The following NEUROD1 variants were observed in gnomAD, a reference collection of about 807,000 sequenced individuals.
The protein encoded by NEUROD1 is neuronal differentiation 1, also known as neurogenic differentiation factor 1.
In NEUROD1, 9 loss-of-function variants were observed where a neutral mutation model predicts 21.8. The observed-to-expected ratio is 0.41, with a 90% confidence interval of 0.25 to 0.72. NEUROD1 has a LOEUF of 0.72. NEUROD1 is among the 30% of genes least tolerant of loss of function. NEUROD1 has a pLI of 0.31. For missense variants in NEUROD1, 434 were observed against 468.8 expected (o/e 0.93, Z 0.69); for synonymous variants, 199 against 186.2 (o/e 1.07, Z -0.56).
chr2:181,677,872 ATG>A lies in NEUROD1; in HGVS notation c.987_988del (p.Ile330ArgfsTer8). 1 of 1,614,148 alleles carries A rather than the reference ATG, an allele frequency of 6.2e-7. No homozygotes were observed. The highest frequency in any genetic ancestry group is 1.3e-5 in the African/African-American group (1 of 75,038). On this transcript the variant is annotated frameshift_variant, in exon 2 of 2. Coordinates refer to ENST00000295108, the MANE Select transcript of NEUROD1 (RefSeq NM_002500.5). LOFTEE classifies it high-confidence loss of function. ...GCTATCGAAGGACATAATATTGTCT[ATG>A]GGGATCTCGCAGCGAGGGGCAGCGG... is the stretch of plus-strand genomic sequence containing the variant.
chr2:181,675,079 G>T (rs1172072223), downstream of NEUROD1, among the ~76,000 whole-genome samples: 1 of 152,102 alleles, frequency 6.6e-6, no homozygotes, highest in Non-Finnish European at 1.5e-5. Flanking sequence ...TATCATATCA[G>T]TATTATGTCT....
Position 181,678,656 on chromosome 2 carries a change from C to G in NEUROD1, c.205G>C (p.Glu69Gln). ...EEDEDEDLEE[E>Q]EEEEEEDDDQ... ...TCATCCTCCTCTTCCTCTTCTTCCT[C>G]CTCTTCCAGGTCCTCATCTTCGTCC... The change falls in exon 2 of 2, where the codon GAG becomes CAG. Residue 69 changes from glutamate to glutamine, a missense_variant. Coordinates refer to ENST00000295108, the MANE Select transcript of NEUROD1 (RefSeq NM_002500.5). The surrounding 1 kb of genome is among the most constrained non-coding windows in gnomAD (Gnocchi z 5.5). 6.2e-7 allele frequency: 1 copy of G among 1,613,282 alleles called. No homozygotes were observed. Among genetic ancestry groups the G allele is most frequent in the South Asian group, 1.1e-5 (1 of 90,928 alleles).
chr2:181,676,453 T>C (rs1688573066), downstream of NEUROD1: 1 of 152,644 alleles, frequency 6.6e-6, no homozygotes, highest in Non-Finnish European at 1.5e-5. Context: ...TAAGAAGAAA[T>C]GCAACAATTG....
At chr2:181,673,184 T>A (rs2105588978), downstream of NEUROD1, 1 of 152,366 alleles carries the variant, frequency 6.6e-6, no homozygotes, top group South Asian at 2.1e-4. Flanking sequence ...CCCCAGAGAC[T>A]GTGGCCCTGT....
At chr2:181,675,295 C>A (rs565032011), downstream of NEUROD1, among the ~76,000 whole-genome samples, 1 of 152,234 alleles carries the variant, frequency 6.6e-6, no homozygotes, top group Admixed American at 6.5e-5. Context: ...ATTTTTTTAA[C>A]GTCGAAGTAT....
chr2:181,668,515 C>A (rs958717874), downstream of NEUROD1, among the ~76,000 whole-genome samples: 7 of 151,902 alleles, frequency 4.6e-5, no homozygotes, highest in Non-Finnish European at 8.8e-5. Context: ...TTACAATATT[C>A]TGCCAAAAAT....
At chr2:181,668,574 A>G (rs2105584778), downstream of NEUROD1, among the ~76,000 whole-genome samples, 1 of 152,020 alleles carries the variant, frequency 6.6e-6, no homozygotes, top group East Asian at 1.9e-4. Flanking sequence ...CTATCTTCCA[A>G]CTTACTGCAG....
rs1440623395 is a variant in NEUROD1, at chr2:181,678,382, C to T, written c.479G>A (p.Gly160Asp). Reference protein sequence around the residue: ...IWALSEILRSGKSPDLVSFVQ... With the variant: ...IWALSEILRSDKSPDLVSFVQ... ...GAAGGAGACCAGGTCTGGGCTTTTG[C>T]CTGAGCGCAGGATCTCCGACAGAGC... Residue 160 changes from glycine to aspartate, a missense_variant, in exon 2 of 2, where the codon GGC (glycine) becomes GAC (aspartate). Coordinates refer to ENST00000295108, the MANE Select transcript of NEUROD1 (RefSeq NM_002500.5). The surrounding 1 kb of genome is among the most constrained non-coding windows in gnomAD (Gnocchi z 5.5). 4.3e-6 allele frequency: 7 copies of T among 1,614,068 alleles called. No individual in the cohort carries two copies. Among genetic ancestry groups the T allele is most frequent in the African/African-American group, 2.7e-5 (2 of 74,930 alleles).
chr2:181,674,950 T>C (rs1248715188), downstream of NEUROD1, among the ~76,000 whole-genome samples: 1 of 152,254 alleles, frequency 6.6e-6, no homozygotes, highest in Non-Finnish European at 1.5e-5. Flanking sequence ...CAACAGATTT[T>C]AGTTTGCATG....
At chr2:181,672,235 C>T (rs75310913), downstream of NEUROD1, among the ~76,000 whole-genome samples, 1,736 of 152,190 alleles carry the variant, frequency 0.011, 12 homozygotes, top group Middle Eastern at 0.037. Context: ...GAGTTTGGTG[C>T]CATGCAATAT....
At chr2:181,675,819 A>G (rs1688560941), downstream of NEUROD1, among the ~76,000 whole-genome samples, 1 of 152,154 alleles carries the variant, frequency 6.6e-6, no homozygotes, top group Non-Finnish European at 1.5e-5. Context: ...CAAATAATCC[A>G]TTATGCTTTT....
At chr2:181,679,239 C>A (rs1265239909) in intron 1 of NEUROD1, among the ~76,000 whole-genome samples, 3 of 149,138 alleles carry the variant, frequency 2.0e-5, no homozygotes, top group Admixed American at 6.7e-5. Flanking sequence ...CATGTTTATC[C>A]AAATGTGTTC....
chr2:181,670,860 G>A (rs1414921939), exon 2 of NEUROD1, among the ~76,000 whole-genome samples: 4 of 152,154 alleles, frequency 2.6e-5, no homozygotes, highest in Middle Eastern at 3.4e-3. Flanking sequence ...AGGGCCCACC[G>A]TAATCCAGCA....
chr2:181,671,024 T>TGC lies in NEUROD1; in HGVS notation n.2920_2921dup, dbSNP rs1553528374. ...TACTCAACCAAGTATAGCATATGTG[T>TGC]GCACACACACACACACACACACACA... On this transcript the variant is annotated non_coding_transcript_exon_variant, in exon 2 of 2. Transcript: ENST00000496876. Among the ~76,000 whole-genome samples, 344 of 108,898 alleles carry TGC rather than the reference T, an allele frequency of 3.2e-3. 2 individuals carry two copies. Among genetic ancestry groups the TGC allele is most frequent in the African/African-American group, 9.2e-3 (303 of 33,018 alleles). The allele number at this position is 108,898 out of a possible 152,430, so 71.4% of individuals were successfully genotyped here. A position where few individuals can be genotyped will look rare whatever the true frequency, so the allele number is the denominator to read the frequency against.
chr2:181,674,782 G>A (rs959660180), downstream of NEUROD1, among the ~76,000 whole-genome samples: 1 of 148,694 alleles, frequency 6.7e-6, no homozygotes, highest in African/African-American at 2.5e-5. Flanking sequence ...GTTTTAGAAT[G>A]AAGTTGTATT....
rs1390326063 is a variant in NEUROD1, at chr2:181,677,162, A to G, written c.*628T>C. ...TTTTTTTTTTACAATTGGAGAGGAA[A>G]GAAGTGCTAAGGCAACACAATAACT... On this transcript the variant is annotated 3_prime_UTR_variant, in exon 2 of 2. Transcript: ENST00000295108. The G allele has an allele frequency of 7.8e-6, 1 of 127,524 alleles. No individual in the cohort carries two copies. Among genetic ancestry groups the G allele is most frequent in the Non-Finnish European group, 1.6e-5 (1 of 62,902 alleles). 7.9% of individuals were successfully genotyped at this position (127,524 alleles called of 1,614,324 possible). A position where few individuals can be genotyped will look rare whatever the true frequency, so the allele number is the denominator to read the frequency against.
At chr2:181,672,642 A>AT (rs1479146030), downstream of NEUROD1, among the ~76,000 whole-genome samples, 2 of 152,234 alleles carry the variant, frequency 1.3e-5, no homozygotes, top group African/African-American at 4.8e-5. Context: ...GTCAGTTGCT[A>AT]TTTTAAATGG....
chr2:181,679,921 C>T (rs548898631), intron 1 of NEUROD1, among the ~76,000 whole-genome samples: 2 of 152,272 alleles, frequency 1.3e-5, no homozygotes, highest in East Asian at 3.9e-4. Flanking sequence ...CTCCACTTTC[C>T]CCCCTCTCAA....
downstream of NEUROD1, among the ~76,000 whole-genome samples, chr2:181,674,257 A>G (rs1168008410): frequency 6.6e-6 from 1 of 152,220 alleles, no homozygotes; most frequent in Admixed American, 6.5e-5. Context: ...GTCGTGGCTC[A>G]AGATGAAGAA....
Sources: gnomAD v4.1 joint callset for allele counts (sites outside exome capture counted in the v4.1 genomes callset) on GRCh38, gnomAD v4.1.1 for gene constraint, Gnocchi (gnomAD v3.1) non-coding constraint, MANE v1.5 for transcripts, NCBI Gene and HGNC (gene_info 2026-07-23, HGNC 2026-07-21) for gene names.